Variants in DNAH8 observed in about 807,000 individuals in gnomAD.
DNAH8 encodes the protein axonemal beta dynein heavy chain 8.
In DNAH8, 382 loss-of-function variants were observed where a neutral mutation model predicts 562.1. The ratio of observed to expected loss-of-function variants is 0.68; its 90% CI spans 0.63 to 0.74. The LOEUF (loss-of-function observed/expected upper bound fraction) is 0.74, where lower values mean the gene tolerates loss of function less well. Among genes scored for constraint, DNAH8 ranks in the 30% least tolerant of loss-of-function variants. The pLI, the probability that DNAH8 is intolerant of heterozygous loss-of-function variation, is 0.00. For missense variants in DNAH8, 5,203 were observed against 5,620.4 expected, an observed-to-expected ratio of 0.93 and a Z score of 2.37; for synonymous variants, 1,881 against 1,919.4, an observed-to-expected ratio of 0.98 and a Z score of 0.52.
rs1027982582 is a variant in DNAH8, at chr6:39,030,389, G to A, written c.14121G>A (p.Lys4707=). ...LRGVALLCDI[K] is the part of the protein sequence containing the mutation. ...GAGTGGCCCTTTTGTGTGACATCAAGTAAGTTCATTTCCATCTGCTCAGGG... is the reference window on the plus strand; with the variant it reads ...GAGTGGCCCTTTTGTGTGACATCAAATAAGTTCATTTCCATCTGCTCAGGG... Residue 4707 remains lysine, a synonymous_variant, in exon 93 of 93, where the codon AAG becomes AAA. Transcript: ENST00000327475. 2.5e-6 allele frequency: 4 copies of A among 1,613,320 alleles called. No homozygotes were observed. Among genetic ancestry groups the A allele is most frequent in the Non-Finnish European group, 2.5e-6 (3 of 1,179,448 alleles).
In DNAH8 at chr6:38,899,907, G is replaced by A. The variant is rs144711161; in HGVS notation, c.9194+1G>A. On this transcript the variant is annotated splice_donor_variant, in intron 62 of 92. Transcript: ENST00000327475. LOFTEE classifies it high-confidence loss of function. ...AAATATTCCAGATAACATTAACCAG[G>A]TAGGATGAAATAAAACACAATATGT... is the stretch of plus-strand genomic sequence containing the variant. 182 of 1,568,144 alleles carry A rather than the reference G, an allele frequency of 1.2e-4. No individual in the cohort carries two copies. The highest frequency in any genetic ancestry group is 1.4e-4 in the Non-Finnish European group (168 of 1,160,580).
chr6:38,804,194 A>G (rs1212588500), intron 22 of DNAH8, among the ~76,000 whole-genome samples: 1 of 152,186 alleles, frequency 6.6e-6, no homozygotes, highest in Non-Finnish European at 1.5e-5. Context: ...TTGAATTTGA[A>G]TCCCCTTTAT....
chr6:38,818,551 A>G (rs971507350), intron 26 of DNAH8, among the ~76,000 whole-genome samples: 2 of 151,210 alleles, frequency 1.3e-5, no homozygotes, highest in African/African-American at 4.9e-5. Flanking sequence ...AAAAAAAAAA[A>G]AAGAAGATAT....
intron 82 of DNAH8, among the ~76,000 whole-genome samples, chr6:38,963,090 A>G (rs1203145719): frequency 6.6e-6 from 1 of 152,176 alleles, no homozygotes; most frequent in African/African-American, 2.4e-5. Flanking sequence ...TATTCATGCA[A>G]CCAAACACAA....
chr6:38,943,121 T>C (rs1783592883), intron 79 of DNAH8, among the ~76,000 whole-genome samples: 1 of 152,186 alleles, frequency 6.6e-6, no homozygotes, highest in African/African-American at 2.4e-5. Context: ...TAGTTGGCAA[T>C]AGGGAGCCAT....
intron 73 of DNAH8, 123 bp from the exon 74 acceptor site, chr6:38,925,932 T>A (rs1782080780): frequency 1.1e-6 from 1 of 911,632 alleles, no homozygotes. Flanking sequence ...AAGTACAAGT[T>A]GCATAGTCTC....
At position 38,949,539 on chromosome 6, in the gene DNAH8, C is replaced by G; in HGVS notation, c.12217C>G (p.Leu4073Val). The change falls in exon 81 of 93, where the codon CTA becomes GTA. Residue 4073 changes from leucine (L) to valine (V), a missense_variant. Physicochemically the swap from Leu to Val is conservative, Grantham distance 32. This residue lies in a region of DNAH8 where 1,399 missense variants were observed against 1,518.4 expected (regional missense o/e 0.92). Coordinates refer to ENST00000327475, the MANE Select transcript of DNAH8 (RefSeq NM_001206927.2). ...TATCCCTGATGGATATAATGATTCA[C>G]TAGATACCTGCCATAAACTTTTACT... ...EIIPDGYNDS[L>V]DTCHKLLLIR... 6.2e-7 allele frequency: 1 copy of G among 1,609,930 alleles called. No individual in the cohort carries two copies. The highest frequency in any genetic ancestry group is 8.5e-7 in the Non-Finnish European group (1 of 1,176,348).
intron 79 of DNAH8, 78 bp from the exon 80 acceptor site, chr6:38,945,389 T>G (rs1433640566): frequency 6.7e-7 from 1 of 1,494,948 alleles, no homozygotes; most frequent in Non-Finnish European, 9.1e-7. Context: ...GCTATTTTGC[T>G]TTTATTATTT....
intron 84 of DNAH8, 152 bp from the exon 85 acceptor site, chr6:38,974,222 C>T (rs1250628657): frequency 6.3e-6 from 4 of 638,820 alleles, no homozygotes; most frequent in Non-Finnish European, 1.0e-5. Flanking sequence ...GCTCATATAA[C>T]AATTTAATGC....
chr6:38,907,213 T>C (rs946278634), intron 63 of DNAH8, among the ~76,000 whole-genome samples: 1 of 152,212 alleles, frequency 6.6e-6, no homozygotes, highest in Non-Finnish European at 1.5e-5. Flanking sequence ...TGTTCCAGCT[T>C]CCTATGCTTT....
intron 11 of DNAH8, among the ~76,000 whole-genome samples, chr6:38,766,988 A>C (rs1055656965): frequency 6.6e-6 from 1 of 152,170 alleles, no homozygotes; most frequent in African/African-American, 2.4e-5. Context: ...ATAATTAAAA[A>C]TTTTTAATTA....
intron 4 of DNAH8, among the ~76,000 whole-genome samples, chr6:38,730,441 G>C (rs1328954760): frequency 6.6e-6 from 1 of 152,188 alleles, no homozygotes; most frequent in Non-Finnish European, 1.5e-5. Flanking sequence ...CATGCTACCA[G>C]CTTGTTAAAA....
At chr6:38,764,555 C>A (rs1171442803) in intron 11 of DNAH8, 2 of 152,044 alleles carry the variant, frequency 1.3e-5, no homozygotes, top group Non-Finnish European at 2.9e-5. Context: ...TCAGATGTAC[C>A]TGAAGATGAG....
Position 38,850,306 on chromosome 6 carries a change from C to T in DNAH8, c.5255C>T (p.Ala1752Val). Reference protein sequence around the residue: ...DKSWIKIMQRAHENPNVINCC... With the variant: ...DKSWIKIMQRVHENPNVINCC... ...TCTTGGATAAAAATAATGCAGCGAG[C>T]TCATGAGAATCCCAATGTGATTAAT... Residue 1752 changes from alanine to valine, a missense_variant, in exon 38 of 93, where the codon GCT becomes GTT. By Grantham distance (64) the Ala-to-Val change is moderately conservative (BLOSUM62 0). Around this residue, in one of 6 missense-constraint regions of DNAH8, gnomAD observed 2,176 missense variants for 2,365.1 expected, o/e 0.92. Transcript: ENST00000327475. 6.2e-7 allele frequency: 1 copy of T among 1,613,504 alleles called. No homozygotes were observed. The highest frequency in any genetic ancestry group is 8.5e-7 in the Non-Finnish European group (1 of 1,179,640).
intron 42 of DNAH8, among the ~76,000 whole-genome samples, chr6:38,859,977 A>G (rs571854162): frequency 1.7e-4 from 26 of 152,110 alleles, no homozygotes; most frequent in African/African-American, 5.3e-4. Flanking sequence ...CCTTTTTTCA[A>G]TTCCTTGAAG....
At chr6:39,014,127 T>C (rs1370504054) in intron 91 of DNAH8, among the ~76,000 whole-genome samples, 1 of 152,204 alleles carries the variant, frequency 6.6e-6, no homozygotes, top group African/African-American at 2.4e-5. Context: ...ACCTTAAAAA[T>C]GTTTAAATTT....
intron 53 of DNAH8, among the ~76,000 whole-genome samples, chr6:38,876,035 C>G (rs1777969454): frequency 1.3e-5 from 2 of 152,164 alleles, no homozygotes; most frequent in Admixed American, 6.5e-5. Flanking sequence ...CTTGACTTCT[C>G]CTTTTGGAGT....
intron 17 of DNAH8, 104 bp downstream of exon 17, chr6:38,783,243 A>T: frequency 1.0e-6 from 1 of 968,984 alleles, no homozygotes; most frequent in Non-Finnish European, 1.5e-6. Flanking sequence ...TAATCTTAGG[A>T]TAGTTACAAT....
rs1177925082 is a variant in DNAH8 at position 38,750,508 on chromosome 6, T to C, written c.1326T>C (p.Asp442=). Reference sequence around the variant, plus strand: ...GTGATTTGGATGCAAGAATCACTGATACAGCAAATGAATCCAAAGATAATG... The same window carrying C: ...GTGATTTGGATGCAAGAATCACTGACACAGCAAATGAATCCAAAGATAATG... ...NWRDLDARIT[D]TANESKDNVR... Residue 442 remains aspartate (D), a synonymous_variant, in exon 9 of 93, where the codon GAT becomes GAC. Transcript: ENST00000327475. The C allele has an allele frequency of 3.1e-6, 5 of 1,612,012 alleles. No individual in the cohort carries two copies. Among genetic ancestry groups the C allele is most frequent in the Admixed American group, 1.7e-5 (1 of 59,732 alleles).
Sources: gnomAD v4.1 joint callset for allele counts (sites outside exome capture counted in the v4.1 genomes callset) on GRCh38, gnomAD v4.1.1 for gene constraint, gnomAD v4.1.1 regional missense constraint, MANE v1.5 for transcripts, NCBI Gene and HGNC (gene_info 2026-07-23, HGNC 2026-07-21) for gene names.